SPATS2L: variants seen among roughly 807,000 people sequenced by gnomAD.
The protein encoded by SPATS2L is SPATS2-like protein.
A neutral mutation model predicts 59.6 loss-of-function variants in SPATS2L; 30 were observed. The observed-to-expected ratio is 0.50, with a 90% CI of 0.38 to 0.68. The LOEUF is 0.68. Among genes scored for constraint, SPATS2L ranks in the 30% least tolerant of loss-of-function variants. The probability of loss-of-function intolerance (pLI) is 0.00; values close to 1 mark genes in which losing one functional copy is unlikely to be tolerated. For missense variants in SPATS2L, 615 were observed against 700.0 expected, an observed-to-expected ratio of 0.88 and a Z score of 1.37; for synonymous variants, 252 against 263.5, an observed-to-expected ratio of 0.96 and a Z score of 0.42.
At chr2:200,410,144 T>C (rs1432539773) in intron 3 of SPATS2L, among the ~76,000 whole-genome samples, 1 of 151,880 alleles carries the variant, frequency 6.6e-6, no homozygotes, top group Non-Finnish European at 1.5e-5. Flanking sequence ...GTGTGCCTGA[T>C]GTGGTAATAA....
chr2:200,413,289 TTATCTTATC>T (rs1423850738), intron 4 of SPATS2L, among the ~76,000 whole-genome samples: 1 of 138,838 alleles, frequency 7.2e-6, no homozygotes, highest in Non-Finnish European at 1.7e-5. Flanking sequence ...GAATATCAGT[TTATCTTATC>T]TATCTCTAAA....
intron 3 of SPATS2L, among the ~76,000 whole-genome samples, chr2:200,394,654 G>T (rs781317518): frequency 1.3e-5 from 2 of 152,150 alleles, no homozygotes; most frequent in Admixed American, 1.3e-4. Flanking sequence ...TCCCATTTAC[G>T]ATGTTTTGCA....
At chr2:200,404,580 T>C (rs1035570783) in intron 3 of SPATS2L, among the ~76,000 whole-genome samples, 2 of 152,152 alleles carry the variant, frequency 1.3e-5, no homozygotes, top group African/African-American at 2.4e-5. Flanking sequence ...GAAAGACATC[T>C]CCTTATAAGG....
chr2:200,340,723 T>C (rs1208476232), intron 2 of SPATS2L, among the ~76,000 whole-genome samples: 1 of 152,164 alleles, frequency 6.6e-6, no homozygotes, highest in East Asian at 1.9e-4. Flanking sequence ...ACACAAATAT[T>C]ACTTCCATTT....
intron 1 of SPATS2L, among the ~76,000 whole-genome samples, chr2:200,314,133 A>T (rs1253264598): frequency 1.3e-5 from 2 of 152,166 alleles, no homozygotes; most frequent in Middle Eastern, 3.2e-3. Context: ...ATCTTATCTG[A>T]CATGTGTTCC....
intron 3 of SPATS2L, among the ~76,000 whole-genome samples, chr2:200,391,232 A>G (rs1430495052): frequency 6.6e-6 from 1 of 152,148 alleles, no homozygotes; most frequent in Non-Finnish European, 1.5e-5. Flanking sequence ...AATCACAGAT[A>G]TTTTCATATC....
rs887220024 is a variant in SPATS2L, at chr2:200,306,893, G to A, written c.-102G>A. On this transcript the variant is annotated 5_prime_UTR_variant, in exon 1 of 13. Transcript: ENST00000409140. The stretch of plus-strand genomic sequence containing the variant: ...CGCCCCCGGGCCCCGGCTCCGGCCC[G>A]GGACGGAGGAGCCGGCGCTCGACAC... 4 of 981,188 alleles carry A rather than the reference G, an allele frequency of 4.1e-6. No homozygotes were observed. The African/African-American group carries it at 5.3e-5, about 13-fold the overall frequency. 60.8% of individuals were successfully genotyped at this position (981,188 alleles called of 1,614,324 possible).
intron 2 of SPATS2L, among the ~76,000 whole-genome samples, chr2:200,377,806 A>G (rs2081650766): frequency 6.6e-6 from 1 of 152,080 alleles, no homozygotes; most frequent in Non-Finnish European, 1.5e-5. Flanking sequence ...TAGGTGTAGA[A>G]CCAGGAACTG....
intron 6 of SPATS2L, 111 bp from the exon 7 acceptor site, chr2:200,439,011 G>C (rs1440146912): frequency 2.9e-5 from 22 of 770,598 alleles, no homozygotes; most frequent in Non-Finnish European, 4.6e-5. Context: ...GCAATGAAAG[G>C]CATTATTGCC....
At chr2:200,331,017 T>C (rs1486359531) in intron 2 of SPATS2L, among the ~76,000 whole-genome samples, 1 of 152,180 alleles carries the variant, frequency 6.6e-6, no homozygotes, top group Non-Finnish European at 1.5e-5. Flanking sequence ...GCTCAAAGGC[T>C]TTACTTTTAT....
intron 9 of SPATS2L, among the ~76,000 whole-genome samples, chr2:200,464,211 T>A (rs1574683723): frequency 6.6e-6 from 1 of 152,362 alleles, no homozygotes; most frequent in Admixed American, 6.5e-5. Context: ...GTGTGATTGA[T>A]GTTTTTGAGG....
At chr2:200,333,304 A>G (rs2080017669) in intron 2 of SPATS2L, among the ~76,000 whole-genome samples, 1 of 150,724 alleles carries the variant, frequency 6.6e-6, no homozygotes, top group East Asian at 2.0e-4. Context: ...AGAGAGAGAG[A>G]GAAAGAAAAG....
chr2:200,354,365 T>C (rs2080842077), intron 2 of SPATS2L, among the ~76,000 whole-genome samples: 1 of 152,126 alleles, frequency 6.6e-6, no homozygotes, highest in African/African-American at 2.4e-5. Flanking sequence ...TCCCAGCACT[T>C]TGGAAGACCG....
intron 2 of SPATS2L, among the ~76,000 whole-genome samples, chr2:200,360,606 C>G (rs944457238): frequency 5.3e-5 from 8 of 152,122 alleles, no homozygotes; most frequent in Non-Finnish European, 1.2e-4. Context: ...TCAAATGAAC[C>G]TAGGAGATAA....
At chr2:200,332,998 G>C (rs1284487992) in intron 2 of SPATS2L, among the ~76,000 whole-genome samples, 1 of 152,072 alleles carries the variant, frequency 6.6e-6, no homozygotes, top group East Asian at 1.9e-4. Flanking sequence ...AGACAGATAT[G>C]GCCTGGGTTT....
chr2:200,335,908 C>G lies in SPATS2L; in HGVS notation c.-23+6428C>G, dbSNP rs1279606097. 2.0e-5 allele frequency among the ~76,000 whole-genome samples: 3 copies of G among 152,228 alleles called. No individual in the cohort carries two copies. The East Asian group carries it at 5.8e-4, about 29-fold the overall frequency. On this transcript the variant is annotated intron_variant, in intron 2 of 12. Coordinates refer to ENST00000409140, the MANE Select transcript of SPATS2L (RefSeq NM_001100423.2). ...GTATTGCCTGGGGCATAGGCGAAGT[C>G]TCCTGAGCAAAGAATGGGAGTGCCC...
intron 11 of SPATS2L, among the ~76,000 whole-genome samples, chr2:200,470,720 C>T (rs537242409): frequency 2.2e-4 from 33 of 152,178 alleles, no homozygotes; most frequent in Non-Finnish European, 4.6e-4. Flanking sequence ...TAAGATTTGG[C>T]TGCACTTCCT....
chr2:200,403,469 C>G (rs571833607), intron 3 of SPATS2L, among the ~76,000 whole-genome samples: 41 of 152,218 alleles, frequency 2.7e-4, no homozygotes, highest in Non-Finnish European at 4.7e-4. Flanking sequence ...GGACCACATA[C>G]TGGCAATGTC....
intron 3 of SPATS2L, among the ~76,000 whole-genome samples, chr2:200,395,519 A>G (rs1010216125): frequency 3.3e-5 from 5 of 152,188 alleles, no homozygotes; most frequent in African/African-American, 1.2e-4. Context: ...AGCACCCTGA[A>G]ATAAGCCACT....
Sources: gnomAD v4.1 joint callset for allele counts (sites outside exome capture counted in the v4.1 genomes callset) on GRCh38, gnomAD v4.1.1 for gene constraint, MANE v1.5 for transcripts, NCBI Gene and HGNC (gene_info 2026-07-23, HGNC 2026-07-21) for gene names.